PLCB1: variants seen among roughly 807,000 people sequenced by gnomAD.
The protein encoded by PLCB1 is phospholipase C beta 1.
A neutral mutation model predicts 161.8 loss-of-function variants in PLCB1; 46 were observed. That is an observed-to-expected ratio of 0.28 (90% CI 0.22 to 0.36). The LOEUF is 0.36. Among genes scored for constraint, PLCB1 ranks in the 10% least tolerant of loss-of-function variants. The pLI, the probability that PLCB1 is intolerant of heterozygous loss-of-function variation, is 1.00. For synonymous variants in PLCB1, 517 were observed against 503.7 expected (o/e 1.03, Z -0.35); for missense variants, 1,016 against 1,472.5 (o/e 0.69, Z 5.07).
intron 3 of PLCB1, among the ~76,000 whole-genome samples, chr20:8,510,185 T>C (rs913476988): frequency 2.6e-5 from 4 of 152,172 alleles, no homozygotes; most frequent in African/African-American, 4.8e-5. Flanking sequence ...AAGATCACTG[T>C]ACTGATAATT....
intron 10 of PLCB1, among the ~76,000 whole-genome samples, chr20:8,696,581 G>A (rs934558848): frequency 2.0e-5 from 3 of 152,116 alleles, no homozygotes; most frequent in Non-Finnish European, 2.9e-5. Context: ...GCCAATGGTG[G>A]GGAGTAGTGT....
At chr20:8,856,004 TTATAA>T (rs1170591892) in intron 31 of PLCB1, among the ~76,000 whole-genome samples, 1 of 152,136 alleles carries the variant, frequency 6.6e-6, no homozygotes, top group African/African-American at 2.4e-5. Flanking sequence ...ATTACTGTAT[TTATAA>T]TATAATACAC....
intron 12 of PLCB1, among the ~76,000 whole-genome samples, chr20:8,714,996 T>A (rs73895114): frequency 0.039 from 5,997 of 151,866 alleles, 388 homozygotes; most frequent in African/African-American, 0.14. Flanking sequence ...GAAAAGGGAA[T>A]GAAAATAAGA....
intron 3 of PLCB1, among the ~76,000 whole-genome samples, chr20:8,406,269 T>A (rs1270347135): frequency 1.3e-5 from 2 of 152,214 alleles, no homozygotes; most frequent in Non-Finnish European, 2.9e-5. Context: ...AAGCTGTTTC[T>A]CTCTTTCTTT....
At chr20:8,304,562 T>A (rs372876677) in intron 2 of PLCB1, among the ~76,000 whole-genome samples, 2 of 151,720 alleles carry the variant, frequency 1.3e-5, no homozygotes, top group East Asian at 3.9e-4. Flanking sequence ...GGAAGGCAGG[T>A]CTCACACTCC....
chr20:8,766,048 C>A (rs1982299287), intron 26 of PLCB1, among the ~76,000 whole-genome samples: 1 of 152,150 alleles, frequency 6.6e-6, no homozygotes, highest in African/African-American at 2.4e-5. Flanking sequence ...TAATGCCCTA[C>A]ACAGGTGACT....
At chr20:8,838,311 A>C (rs1387401897) in intron 31 of PLCB1, among the ~76,000 whole-genome samples, 2 of 152,166 alleles carry the variant, frequency 1.3e-5, no homozygotes, top group Non-Finnish European at 2.9e-5. Flanking sequence ...GAGAAAAGGA[A>C]ATAATCAGAC....
chr20:8,820,363 A>G (rs1985282401), intron 31 of PLCB1, among the ~76,000 whole-genome samples: 1 of 152,042 alleles, frequency 6.6e-6, no homozygotes, highest in South Asian at 2.1e-4. Context: ...AACACAAACG[A>G]TTGGCAACAT....
intron 3 of PLCB1, among the ~76,000 whole-genome samples, chr20:8,472,764 C>T (rs1417025900): frequency 6.6e-6 from 1 of 152,054 alleles, no homozygotes; most frequent in African/African-American, 2.4e-5. Context: ...AATTAGAGTG[C>T]TCGATTATGA....
chr20:8,247,884 C>G (rs1188372604), intron 2 of PLCB1, among the ~76,000 whole-genome samples: 1 of 151,888 alleles, frequency 6.6e-6, no homozygotes, highest in African/African-American at 2.4e-5. Flanking sequence ...GGGTAAGAGC[C>G]AATGAGATAA....
intron 23 of PLCB1, among the ~76,000 whole-genome samples, chr20:8,745,256 T>C (rs889980622): frequency 2.0e-5 from 3 of 152,234 alleles, no homozygotes; most frequent in Non-Finnish European, 4.4e-5. Context: ...TTTTCTTGTC[T>C]TGGAATAATG....
chr20:8,415,482 T>C (rs1415578526), intron 3 of PLCB1, among the ~76,000 whole-genome samples: 1 of 152,240 alleles, frequency 6.6e-6, no homozygotes. Flanking sequence ...AAAGCACTTG[T>C]ATACAGGTGG....
intron 12 of PLCB1, among the ~76,000 whole-genome samples, chr20:8,712,028 C>T (rs1179638887): frequency 6.6e-6 from 1 of 152,160 alleles, no homozygotes; most frequent in East Asian, 1.9e-4. Flanking sequence ...AAGGACAGGG[C>T]ACGGTGGCTC....
chr20:8,727,395 T>C lies in PLCB1; in HGVS notation c.1763+2T>C. On this transcript the variant is annotated splice_donor_variant, in intron 17 of 31. Transcript: ENST00000338037. LOFTEE classifies it high-confidence loss of function. ...CAAGTCTCCAGTGGAATTTGTAGAG[T>C]ATCCTTGATTTGACGAATGACTGCA... 1 of 1,507,996 alleles carries C rather than the reference T, an allele frequency of 6.6e-7. No individual in the cohort carries two copies. The highest frequency in any genetic ancestry group is 9.2e-7 in the Non-Finnish European group (1 of 1,085,778). 93.4% of individuals were successfully genotyped at this position (1,507,996 alleles called of 1,614,324 possible).
chr20:8,581,228 C>T (rs945233565), intron 3 of PLCB1, among the ~76,000 whole-genome samples: 1 of 152,168 alleles, frequency 6.6e-6, no homozygotes, highest in African/African-American at 2.4e-5. Flanking sequence ...GGGCCTGGCA[C>T]CTAGGATGTA....
At position 8,340,414 on chromosome 20, in the gene PLCB1, T is replaced by G. The variant is rs572888024; in HGVS notation, c.178-30968T>G. Among the ~76,000 whole-genome samples the G allele has an allele frequency of 3.7e-4, 56 of 151,708 alleles. 1 individual carries two copies. The South Asian group carries it at 4.6e-3, about 12-fold the overall frequency. On this transcript the variant is annotated intron_variant, in intron 2 of 31. Transcript: ENST00000338037. ...ATTTTAATATATTGTTAAATTCTAGTTTTTTTTTGTTTTTGTTTTTGTTTT... is the reference window on the plus strand; with the variant it reads ...ATTTTAATATATTGTTAAATTCTAGGTTTTTTTTGTTTTTGTTTTTGTTTT...
intron 3 of PLCB1, among the ~76,000 whole-genome samples, chr20:8,427,712 G>A (rs1259353827): frequency 6.6e-6 from 1 of 152,114 alleles, no homozygotes; most frequent in East Asian, 1.9e-4. Flanking sequence ...TGATTGGTTG[G>A]AGTAAGGAGG....
At chr20:8,844,387 A>T (rs970573096) in intron 31 of PLCB1, among the ~76,000 whole-genome samples, 1 of 152,186 alleles carries the variant, frequency 6.6e-6, no homozygotes, top group Non-Finnish European at 1.5e-5. Context: ...CTGAAAAGTC[A>T]TCGTATAAGC....
chr20:8,174,932 G>C (rs1196106139), intron 2 of PLCB1, among the ~76,000 whole-genome samples: 2 of 151,906 alleles, frequency 1.3e-5, no homozygotes, highest in East Asian at 3.9e-4. Flanking sequence ...AGATGGGTGT[G>C]GTGACATGCG....
Sources: gnomAD v4.1 joint callset for allele counts (sites outside exome capture counted in the v4.1 genomes callset) on GRCh38, gnomAD v4.1.1 for gene constraint, MANE v1.5 for transcripts, NCBI Gene and HGNC (gene_info 2026-07-23, HGNC 2026-07-21) for gene names.